ENPP2: variants seen among roughly 807,000 people sequenced by gnomAD.
ENPP2 encodes ectonucleotide pyrophosphatase/phosphodiesterase 2.
A neutral mutation model predicts 120.2 loss-of-function variants in ENPP2; 51 were observed. That is an observed-to-expected ratio of 0.42 (90% CI 0.34 to 0.54). The LOEUF (loss-of-function observed/expected upper bound fraction) is 0.54. Ranked by LOEUF, ENPP2 falls within the 20% of genes least tolerant of loss-of-function variation. The pLI, the probability that ENPP2 is intolerant of heterozygous loss-of-function variation, is 0.04. For synonymous variants in ENPP2, 365 were observed against 366.4 expected, an observed-to-expected ratio of 1.00 and a Z score of 0.04; for missense variants, 920 against 1,066.5, an observed-to-expected ratio of 0.86 and a Z score of 1.91.
At chr8:119,612,180 A>T (rs1477114833) in intron 8 of ENPP2, among the ~76,000 whole-genome samples, 1 of 152,192 alleles carries the variant, frequency 6.6e-6, no homozygotes, top group Non-Finnish European at 1.5e-5. Context: ...TTGGAAGAAA[A>T]ATAAGAGGCT....
At chr8:119,565,620 T>A (rs1814351967) in intron 22 of ENPP2, among the ~76,000 whole-genome samples, 1 of 152,244 alleles carries the variant, frequency 6.6e-6, no homozygotes, top group Non-Finnish European at 1.5e-5. Context: ...TATAGACACA[T>A]GTGAACAATT....
At chr8:119,617,067 C>A (rs1815505592) in intron 7 of ENPP2, 97 bp downstream of exon 7, 2 of 780,030 alleles carry the variant, frequency 2.6e-6, no homozygotes, top group Non-Finnish European at 2.2e-6. Flanking sequence ...TTTCTTTGAA[C>A]ACTAAGGAAC....
chr8:119,591,001 A>AC (rs1402456900), intron 12 of ENPP2, among the ~76,000 whole-genome samples: 61 of 150,776 alleles, frequency 4.0e-4, no homozygotes, highest in African/African-American at 1.4e-3. Context: ...TCTTTAAAAA[A>AC]AAAAAAAAAA....
rs764579737 is a variant in ENPP2, at chr8:119,601,414, G to T, written c.882C>A (p.Thr294=). 1.2e-5 allele frequency: 20 copies of T among 1,604,240 alleles called. No homozygotes were observed. The highest frequency in any genetic ancestry group is 1.7e-5 in the Non-Finnish European group (20 of 1,171,230). ...RRILTILQWL[T]LPDHERPSVY... is the part of the protein sequence containing the mutation. Reference sequence around the variant, plus strand: ...ATAAATACCTCTCATGATCTGGCAGGGTGAGCCACTGCAATATGGTTAATA... The same window carrying T: ...ATAAATACCTCTCATGATCTGGCAGTGTGAGCCACTGCAATATGGTTAATA... The change falls in exon 10 of 25, where the codon ACC becomes ACA. Residue 294 remains threonine, a synonymous_variant. Coordinates refer to ENST00000075322, the MANE Select transcript of ENPP2 (RefSeq NM_001040092.3).
At chr8:119,635,159 C>G (rs1334903185) in intron 2 of ENPP2, among the ~76,000 whole-genome samples, 1 of 152,194 alleles carries the variant, frequency 6.6e-6, no homozygotes, top group Non-Finnish European at 1.5e-5. Flanking sequence ...CATAAACCTT[C>G]TCACTTCTAG....
intron 9 of ENPP2, among the ~76,000 whole-genome samples, chr8:119,606,463 AAATACTTCTATG>A (rs1435646789): frequency 6.6e-6 from 1 of 152,196 alleles, no homozygotes; most frequent in Non-Finnish European, 1.5e-5. Context: ...GAACAGAAGA[AAATACTTCTATG>A]AGCGTCTATG....
chr8:119,616,511 A>G, intron 7 of ENPP2, 127 bp from the exon 8 acceptor site: 2 of 548,920 alleles, frequency 3.6e-6, no homozygotes, highest in South Asian at 3.1e-5. Context: ...TATATAAGAC[A>G]TGTATAACCT....
At chr8:119,657,554 G>A (rs73712205) in intron 1 of ENPP2, among the ~76,000 whole-genome samples, 9,321 of 152,226 alleles carry the variant, frequency 0.061, 967 homozygotes, top group African/African-American at 0.21. Flanking sequence ...GCAGTGGGCT[G>A]CAGCATGTAA....
In ENPP2 at chr8:119,593,888, A is replaced by G. The variant is rs746265226; in HGVS notation, c.973-28T>C. 5 of 1,293,620 alleles carry G rather than the reference A, an allele frequency of 3.9e-6. No homozygotes were observed. In the South Asian group the frequency reaches 5.9e-5, roughly 15 times the overall value. 80.1% of individuals were successfully genotyped at this position (1,293,620 alleles called of 1,614,324 possible). A position where few individuals can be genotyped will look rare whatever the true frequency, so the allele number is the denominator to read the frequency against. ...AGGAAAAAGAAGCAAGTTAGTCCCCACAGGGTTTTCTTTCTTTCCCTTTCA... is the reference window on the plus strand; with the variant it reads ...AGGAAAAAGAAGCAAGTTAGTCCCCGCAGGGTTTTCTTTCTTTCCCTTTCA... On this transcript the variant is annotated intron_variant, in intron 11 of 24. Coordinates refer to ENST00000075322, the MANE Select transcript of ENPP2 (RefSeq NM_001040092.3).
intron 23 of ENPP2, among the ~76,000 whole-genome samples, chr8:119,563,396 T>C (rs961018093): frequency 1.2e-4 from 18 of 152,174 alleles, no homozygotes; most frequent in African/African-American, 4.1e-4. Flanking sequence ...TAGGTAGTAA[T>C]GCTCCATTAA....
rs1445362569 is a variant in ENPP2, at chr8:119,580,161, A to G, written c.1735T>C (p.Leu579=). 2 of 1,612,722 alleles carry G rather than the reference A, an allele frequency of 1.2e-6. No individual in the cohort carries two copies. Among genetic ancestry groups the G allele is most frequent in the Non-Finnish European group, 8.5e-7 (1 of 1,178,722 alleles). Residue 579 remains leucine, a synonymous_variant, in exon 19 of 25, where the codon TTG becomes CTG. Transcript: ENST00000075322. The stretch of plus-strand genomic sequence containing the variant: ...TGAAGCCGTTTGTTGAGTTCATCCA[A>G]CTTGTTCTTCATGTGTGAAAACCAG... ...CDDKVEPKNK[L]DELNKRLHTK...
At chr8:119,580,298 T>C in intron 18 of ENPP2, 131 bp from the exon 19 acceptor site, 1 of 739,912 alleles carries the variant, frequency 1.4e-6, no homozygotes, top group South Asian at 1.6e-5. Flanking sequence ...ATATCATACA[T>C]TCTTTCGAGG....
At chr8:119,612,342 C>A (rs751197620) in intron 8 of ENPP2, among the ~76,000 whole-genome samples, 5 of 152,130 alleles carry the variant, frequency 3.3e-5, no homozygotes, top group Non-Finnish European at 7.4e-5. Context: ...GAAATATTGT[C>A]TCTTTATCAG....
intron 22 of ENPP2, among the ~76,000 whole-genome samples, chr8:119,566,121 T>A (rs960625392): frequency 2.0e-5 from 3 of 152,234 alleles, no homozygotes; most frequent in African/African-American, 7.2e-5. Context: ...TCTGTGCATG[T>A]CTGCTTTCTC....
chr8:119,598,092 G>A (rs1037906221), intron 11 of ENPP2, among the ~76,000 whole-genome samples: 1 of 152,278 alleles, frequency 6.6e-6, no homozygotes, highest in Non-Finnish European at 1.5e-5. Flanking sequence ...GGATACACAG[G>A]TGTATAAACC....
intron 22 of ENPP2, among the ~76,000 whole-genome samples, chr8:119,566,439 C>T (rs1200705888): frequency 6.6e-6 from 1 of 152,184 alleles, no homozygotes; most frequent in African/African-American, 2.4e-5. Flanking sequence ...TTCTGAAACT[C>T]TGAATGGCAG....
chr8:119,638,739 TTC>T lies in ENPP2; in HGVS notation c.33+7_33+8del, dbSNP rs761487442. 20 of 1,524,324 alleles carry T rather than the reference TTC, an allele frequency of 1.3e-5. No homozygotes were observed. Among genetic ancestry groups the T allele is most frequent in the Admixed American group, 3.3e-5 (2 of 59,900 alleles). The allele number at this position is 1,524,324 out of a possible 1,614,324, so 94.4% of individuals were successfully genotyped here. On this transcript the variant is annotated splice_region_variant and intron_variant, in intron 1 of 24. Transcript: ENST00000075322. ...AAGCATGTCCCCCGTCATTCCTCCG[TTC>T]TCCCACCTGACACGACTGGAACGAG...
At chr8:119,591,016 A>AAAC (rs1554612815) in intron 12 of ENPP2, among the ~76,000 whole-genome samples, 2 of 149,252 alleles carry the variant, frequency 1.3e-5, no homozygotes, top group East Asian at 2.0e-4. Context: ...AAAAAAAAAA[A>AAAC]CCCTAGGTTG....
intron 2 of ENPP2, among the ~76,000 whole-genome samples, chr8:119,635,351 C>T (rs1003099645): frequency 1.3e-5 from 2 of 152,204 alleles, no homozygotes; most frequent in African/African-American, 4.8e-5. Flanking sequence ...GCCAGCTATT[C>T]ACAAGCTCAC....
Sources: allele counts gnomAD v4.1 joint callset (sites outside exome capture counted in the v4.1 genomes callset), GRCh38; gene constraint gnomAD v4.1.1; transcripts MANE v1.5; gene names NCBI Gene and HGNC (gene_info 2026-07-23, HGNC 2026-07-21).